The following FBXL2 variants were observed in gnomAD, a reference collection of about 807,000 sequenced individuals.
FBXL2 encodes the protein F-box and leucine rich repeat protein 2, also known as F-box/LRR-repeat protein 2.
FBXL2 carries 38 observed loss-of-function variants against 69.2 expected under a neutral mutation model. The observed-to-expected ratio is 0.55, with a 90% CI of 0.42 to 0.72. The LOEUF (loss-of-function observed/expected upper bound fraction) is 0.72. Among genes scored for constraint, FBXL2 ranks in the 30% least tolerant of loss-of-function variants. The pLI is 0.00. For missense variants in FBXL2, 354 were observed against 520.3 expected (o/e 0.68, Z 3.11); for synonymous variants, 192 against 201.3 (o/e 0.95, Z 0.39).
At chr3:33,346,779 A>T (rs2040470121) in intron 2 of FBXL2, among the ~76,000 whole-genome samples, 3 of 151,980 alleles carry the variant, frequency 2.0e-5, no homozygotes, top group Admixed American at 1.3e-4. Flanking sequence ...TCACATGGGC[A>T]TTAGAAGGAT....
chr3:33,397,020 A>G (rs771288008), intron 12 of FBXL2: 22 of 1,577,678 alleles, frequency 1.4e-5, no homozygotes, highest in Non-Finnish European at 1.8e-5. Context: ...TCTTATTTCA[A>G]GCAAAACAGT....
chr3:33,375,881 G>C (rs2042601881), intron 10 of FBXL2, among the ~76,000 whole-genome samples: 1 of 152,124 alleles, frequency 6.6e-6, no homozygotes, highest in Non-Finnish European at 1.5e-5. Flanking sequence ...TTTAGGCCAG[G>C]CATGGTGGCT....
chr3:33,280,884 A>C (rs2033921575), intron 1 of FBXL2, among the ~76,000 whole-genome samples: 1 of 152,070 alleles, frequency 6.6e-6, no homozygotes, highest in South Asian at 2.1e-4. Context: ...ATAATATTTT[A>C]TCATATAATT....
downstream of FBXL2, chr3:33,392,629 TA>T: frequency 6.2e-7 from 1 of 1,602,594 alleles, no homozygotes. Flanking sequence ...AAGGATAAAG[TA>T]AATGCGTAAG....
intron 2 of FBXL2, among the ~76,000 whole-genome samples, chr3:33,330,646 G>C (rs1310376399): frequency 2.0e-5 from 3 of 152,114 alleles, no homozygotes; most frequent in Non-Finnish European, 4.4e-5. Context: ...CCAGCACTCT[G>C]AGAGGCCAAG....
chr3:33,339,570 G>C (rs2039859809), intron 2 of FBXL2, among the ~76,000 whole-genome samples: 1 of 152,120 alleles, frequency 6.6e-6, no homozygotes, highest in African/African-American at 2.4e-5. Context: ...TAAGAGGAGG[G>C]TGAGGACTGA....
At chr3:33,419,077 GTATT>G in the FBXL2 span, among the ~76,000 whole-genome samples, 1 of 152,126 alleles carries the variant, frequency 6.6e-6, no homozygotes, top group Admixed American at 6.5e-5. Flanking sequence ...GTTTTCTGCT[GTATT>G]AGATGTAAAG....
intron 2 of FBXL2, among the ~76,000 whole-genome samples, chr3:33,328,945 C>T (rs1482432949): frequency 2.0e-5 from 3 of 151,878 alleles, no homozygotes; most frequent in African/African-American, 4.8e-5. Flanking sequence ...AAGAGACAAC[C>T]CACAGAATGG....
chr3:33,317,331 A>C (rs1360044523), intron 2 of FBXL2: 6 of 384,008 alleles, frequency 1.6e-5, no homozygotes, highest in Non-Finnish European at 3.1e-5. Flanking sequence ...ACCTCAAGAG[A>C]GAAAACCCAA....
At chr3:33,390,450 C>T, downstream of FBXL2, 1 of 1,434,804 alleles carries the variant, frequency 7.0e-7, no homozygotes, top group Non-Finnish European at 9.8e-7. Flanking sequence ...CTGCCAACTA[C>T]AACCTCCCTT....
intron 2 of FBXL2, among the ~76,000 whole-genome samples, chr3:33,308,277 A>C (rs1296006101): frequency 2.6e-5 from 4 of 152,156 alleles, no homozygotes; most frequent in Non-Finnish European, 4.4e-5. Flanking sequence ...TTTCTTTAGA[A>C]GTATTGGTTT....
At chr3:33,389,649 CAA>C (rs1167997746), downstream of FBXL2, 1 of 152,344 alleles carries the variant, frequency 6.6e-6, no homozygotes. Context: ...AGCCAAAACA[CAA>C]AAGTCTTTGT....
intron 13 of FBXL2, 31 bp from the exon 14 acceptor site, chr3:33,383,958 G>A (rs1438788549): frequency 6.2e-7 from 1 of 1,605,440 alleles, no homozygotes; most frequent in Admixed American, 1.7e-5. Flanking sequence ...TAAGGGTCCT[G>A]CAAACATTTA....
chr3:33,422,028 G>A, the FBXL2 span, among the ~76,000 whole-genome samples: 1 of 152,056 alleles, frequency 6.6e-6, no homozygotes, highest in Non-Finnish European at 1.5e-5. Flanking sequence ...AAGAGACAGA[G>A]TGAGACCCTG....
intron 2 of FBXL2, among the ~76,000 whole-genome samples, chr3:33,300,195 G>GT (rs1428020472): frequency 6.6e-6 from 1 of 152,022 alleles, no homozygotes. Context: ...TAACTGAATG[G>GT]TTTTTTCCTT....
At chr3:33,401,106 T>A in intron 12 of FBXL2, 1 of 1,280,318 alleles carries the variant, frequency 7.8e-7, no homozygotes, top group Non-Finnish European at 1.1e-6. Flanking sequence ...ATTGTAACTA[T>A]GCAAATTTCA....
chr3:33,402,768 A>G, intron 12 of FBXL2: 4 of 1,437,040 alleles, frequency 2.8e-6, no homozygotes, highest in Non-Finnish European at 3.7e-6. Flanking sequence ...AGCATTAGTT[A>G]GCTGCAGGCA....
chr3:33,373,987 G>C (rs552868866), intron 9 of FBXL2, 66 bp downstream of exon 9: 1 of 1,509,150 alleles, frequency 6.6e-7, no homozygotes, highest in East Asian at 2.3e-5. Flanking sequence ...TCTGCCTCAG[G>C]CCTCCCTGCA....
chr3:33,419,258 G>A, the FBXL2 span, among the ~76,000 whole-genome samples: 1 of 152,138 alleles, frequency 6.6e-6, no homozygotes, highest in South Asian at 2.1e-4. Context: ...ACTTTGGGAG[G>A]TCAGGGCAGG....
Sources: gnomAD v4.1 joint callset for allele counts (sites outside exome capture counted in the v4.1 genomes callset) on GRCh38, gnomAD v4.1.1 for gene constraint, MANE v1.5 for transcripts, NCBI Gene and HGNC (gene_info 2026-07-23, HGNC 2026-07-21) for gene names.